MICAL3: variants seen among roughly 807,000 people sequenced by gnomAD.
MICAL3 encodes [F-actin]-monooxygenase MICAL3.
MICAL3 carries 62 observed loss-of-function variants against 207.4 expected under a neutral mutation model. That is an observed-to-expected ratio of 0.30 (90% CI 0.24 to 0.37). The LOEUF (loss-of-function observed/expected upper bound fraction) is 0.37, where lower values mean the gene tolerates loss of function less well. MICAL3 is among the 10% of genes least tolerant of loss of function. The pLI is 1.00. For missense variants in MICAL3, 2,368 were observed against 2,635.6 expected (o/e 0.90, Z 2.22); for synonymous variants, 1,077 against 1,069.3 (o/e 1.01, Z -0.14).
At chr22:17,802,107 G>A (rs559611252) in intron 29 of MICAL3, among the ~76,000 whole-genome samples, 1 of 149,870 alleles carries the variant, frequency 6.7e-6, no homozygotes, top group African/African-American at 2.5e-5. Context: ...TTGTTGCCCA[G>A]ACTGGAGTGC....
intron 8 of MICAL3, among the ~76,000 whole-genome samples, 179 bp downstream of exon 8, chr22:17,896,545 T>G (rs1930852723): frequency 6.6e-6 from 1 of 152,230 alleles, no homozygotes; most frequent in Non-Finnish European, 1.5e-5. Flanking sequence ...CCACTCATAC[T>G]TAATAGGCCT....
intron 24 of MICAL3, 89 bp downstream of exon 24, chr22:17,821,941 T>G: frequency 1.3e-6 from 2 of 1,522,382 alleles, no homozygotes; most frequent in South Asian, 2.5e-5. Flanking sequence ...GGCTCTGCTC[T>G]GAAGCGCCTG....
chr22:17,880,093 C>T (rs906940640), intron 16 of MICAL3, among the ~76,000 whole-genome samples: 4 of 152,204 alleles, frequency 2.6e-5, no homozygotes, highest in African/African-American at 9.7e-5. Flanking sequence ...GGTGGAAAAA[C>T]AGCCCCAAGG....
intron 13 of MICAL3, 49 bp downstream of exon 13, chr22:17,888,985 C>CCA: frequency 1.5e-6 from 2 of 1,377,480 alleles, no homozygotes; most frequent in Non-Finnish European, 2.0e-6. Context: ...AACAGCCGGG[C>CCA]CACAGCACAG....
At chr22:17,811,911 A>AT (rs1388225384) in intron 27 of MICAL3, among the ~76,000 whole-genome samples, 9 of 152,078 alleles carry the variant, frequency 5.9e-5, no homozygotes, top group Non-Finnish European at 1.0e-4. Context: ...CGCCCGGACA[A>AT]TTAAAACAAT....
At chr22:17,850,920 A>C (rs1925257891) in intron 19 of MICAL3, among the ~76,000 whole-genome samples, 1 of 152,170 alleles carries the variant, frequency 6.6e-6, no homozygotes, top group South Asian at 2.1e-4. Context: ...TTCACGTGTT[A>C]TACCATCTCA....
chr22:17,889,445 T>C (rs188816221), intron 12 of MICAL3, among the ~76,000 whole-genome samples: 1 of 151,296 alleles, frequency 6.6e-6, no homozygotes, highest in Admixed American at 6.6e-5. Flanking sequence ...TGATGAAAGG[T>C]CTACCCACCA....
chr22:17,855,586 A>C (rs1305716754), intron 19 of MICAL3, among the ~76,000 whole-genome samples: 1 of 152,252 alleles, frequency 6.6e-6, no homozygotes, highest in African/African-American at 2.4e-5. Flanking sequence ...TGGATTCGAG[A>C]GGACCAAAAC....
chr22:17,813,053 C>T (rs1251025654), intron 27 of MICAL3: 1 of 152,184 alleles, frequency 6.6e-6, no homozygotes. Flanking sequence ...GGAAACCACC[C>T]ATCTCTCCCA....
At chr22:17,995,914 A>C (rs1922224147) in intron 1 of MICAL3, among the ~76,000 whole-genome samples, 2 of 151,994 alleles carry the variant, frequency 1.3e-5, no homozygotes, top group Admixed American at 6.6e-5. Flanking sequence ...TAATCCCAGC[A>C]CTTTGAGAGG....
chr22:17,840,086 A>G (rs1294735965), intron 20 of MICAL3: 2 of 150,816 alleles, frequency 1.3e-5, no homozygotes, highest in African/African-American at 2.4e-5. Context: ...TTTTGATTTT[A>G]ATTTTAATTT....
intron 27 of MICAL3, 114 bp downstream of exon 27, chr22:17,816,576 C>T (rs1158376535): frequency 2.4e-6 from 2 of 827,482 alleles, no homozygotes; most frequent in Non-Finnish European, 3.9e-6. Flanking sequence ...CTATGCGCCA[C>T]TAGCTGTCCA....
chr22:17,848,392 T>C (rs1924867001), intron 19 of MICAL3, among the ~76,000 whole-genome samples: 1 of 152,226 alleles, frequency 6.6e-6, no homozygotes. Context: ...ACGTGAAGTG[T>C]GGCTGTTCCG....
chr22:17,881,420 T>G (rs1929420939), intron 16 of MICAL3: 1 of 786,470 alleles, frequency 1.3e-6, no homozygotes, highest in Non-Finnish European at 2.1e-6. Context: ...GGCCTTTCCT[T>G]GCCCCTCCAT....
intron 1 of MICAL3, among the ~76,000 whole-genome samples, chr22:17,966,095 T>C (rs975188132): frequency 1.3e-5 from 2 of 152,242 alleles, no homozygotes; most frequent in Non-Finnish European, 2.9e-5. Context: ...TGCCATCTGC[T>C]GCCAGCTTCA....
At chr22:17,936,036 G>C (rs1385985543) in intron 1 of MICAL3, among the ~76,000 whole-genome samples, 3 of 152,186 alleles carry the variant, frequency 2.0e-5, no homozygotes, top group Non-Finnish European at 4.4e-5. Flanking sequence ...CAAGGATCTA[G>C]AGCTAGAATT....
intron 1 of MICAL3, among the ~76,000 whole-genome samples, chr22:17,953,902 G>A (rs1402815890): frequency 8.1e-6 from 1 of 123,102 alleles, no homozygotes; most frequent in Non-Finnish European, 1.6e-5. Context: ...CTGCATTCCA[G>A]CCCAGGTGAC....
intron 19 of MICAL3, among the ~76,000 whole-genome samples, chr22:17,850,979 T>C (rs902701929): frequency 1.3e-5 from 2 of 152,200 alleles, no homozygotes; most frequent in Non-Finnish European, 2.9e-5. Context: ...CCATCCTTCC[T>C]GATGGCTGCT....
At chr22:17,815,565 ACT>A (rs1282314770) in intron 27 of MICAL3, 1 of 152,080 alleles carries the variant, frequency 6.6e-6, no homozygotes, top group East Asian at 1.9e-4. Flanking sequence ...ATGAAGGCAC[ACT>A]CTCCCTGTCC....
Sources: gnomAD v4.1 joint callset for allele counts (sites outside exome capture counted in the v4.1 genomes callset) on GRCh38, gnomAD v4.1.1 for gene constraint, MANE v1.5 for transcripts, NCBI Gene and HGNC (gene_info 2026-07-23, HGNC 2026-07-21) for gene names.